The following PAPPA variants were observed in gnomAD, a reference collection of about 807,000 sequenced individuals.
PAPPA encodes pappalysin-1.
Under a neutral mutation model 164.0 loss-of-function variants are expected in PAPPA, and 60 were observed. The observed-to-expected ratio is 0.37, with a 90% CI of 0.30 to 0.45. The LOEUF is 0.45. Among genes scored for constraint, PAPPA ranks in the 20% least tolerant of loss-of-function variants. The pLI, the probability that PAPPA is intolerant of heterozygous loss-of-function variation, is 1.00. For synonymous variants in PAPPA, 875 were observed against 814.1 expected (o/e 1.07, Z -1.27); for missense variants, 1,782 against 2,087.3 (o/e 0.85, Z 2.85).
At chr9:116,186,643 G>A (rs1034760135) in intron 1 of PAPPA, among the ~76,000 whole-genome samples, 2 of 152,064 alleles carry the variant, frequency 1.3e-5, no homozygotes, top group African/African-American at 2.4e-5. Flanking sequence ...GGTAACTATG[G>A]TAGGGACCTC....
At position 116,188,627 on chromosome 9, in the gene PAPPA, A is replaced by G. The variant is rs116678374; in HGVS notation, c.1478+411A>G. Among the ~76,000 whole-genome samples, 533 of 152,296 alleles carry G rather than the reference A, an allele frequency of 3.5e-3. 4 individuals carry two copies. Among genetic ancestry groups the G allele is most frequent in the African/African-American group, 8.9e-3 (371 of 41,552 alleles). ...AAAGTTAAATAAAACTCAAAATTCA[A>G]TTCCTGAGTTTCATTAGCCACATTT... is the stretch of plus-strand genomic sequence containing the variant. On this transcript the variant is annotated intron_variant, in intron 2 of 21. Coordinates refer to ENST00000328252, the MANE Select transcript of PAPPA (RefSeq NM_002581.5).
intron 7 of PAPPA, among the ~76,000 whole-genome samples, chr9:116,246,743 G>A (rs1352736608): frequency 1.3e-5 from 2 of 152,178 alleles, no homozygotes; most frequent in East Asian, 1.9e-4. Context: ...GGCCAAATGC[G>A]GTGGCTCATG....
chr9:116,316,918 A>C (rs1039018178), intron 10 of PAPPA, among the ~76,000 whole-genome samples: 2 of 152,156 alleles, frequency 1.3e-5, no homozygotes, highest in Non-Finnish European at 2.9e-5. Flanking sequence ...CATTGAGGCT[A>C]TAGGAGGGGA....
chr9:116,388,958 A>C (rs1385485481), intron 21 of PAPPA, among the ~76,000 whole-genome samples: 1 of 152,170 alleles, frequency 6.6e-6, no homozygotes. Context: ...TCATTGGTCT[A>C]AGAAGGCTAG....
chr9:116,323,404 G>A (rs1341171241), intron 10 of PAPPA, among the ~76,000 whole-genome samples: 1 of 152,102 alleles, frequency 6.6e-6, no homozygotes, highest in Non-Finnish European at 1.5e-5. Flanking sequence ...CCCTCCACCG[G>A]GCTATGTTTC....
chr9:116,256,835 A>C (rs541087489), intron 7 of PAPPA, among the ~76,000 whole-genome samples: 5 of 152,142 alleles, frequency 3.3e-5, no homozygotes, highest in African/African-American at 7.2e-5. Flanking sequence ...GAACAACACA[A>C]AAAAGTTTGA....
chr9:116,192,356 G>A (rs1463792627), intron 2 of PAPPA, among the ~76,000 whole-genome samples: 1 of 152,172 alleles, frequency 6.6e-6, no homozygotes, highest in Non-Finnish European at 1.5e-5. Flanking sequence ...TGGAGTTTAA[G>A]GGGTTATTAT....
chr9:116,358,783 T>G (rs1437090613), intron 17 of PAPPA, among the ~76,000 whole-genome samples: 1 of 152,236 alleles, frequency 6.6e-6, no homozygotes, highest in Non-Finnish European at 1.5e-5. Context: ...TCAAGAGACA[T>G]GGTTCTGACA....
rs45519832 is a variant in PAPPA, at chr9:116,397,070, T to C, written c.*454T>C. Reference sequence around the variant, plus strand: ...TTTCCCAAGCTCCTAGCCAACACTATCCTTGGGAGAAAGAAATTTGCAGAA... The same window carrying C: ...TTTCCCAAGCTCCTAGCCAACACTACCCTTGGGAGAAAGAAATTTGCAGAA... On this transcript the variant is annotated 3_prime_UTR_variant, in exon 22 of 22. Transcript: ENST00000328252. The C allele has an allele frequency of 1.3e-5, 2 of 156,846 alleles. No individual in the cohort carries two copies. Among genetic ancestry groups the C allele is most frequent in the Admixed American group, 6.4e-5 (1 of 15,678 alleles). 9.7% of individuals were successfully genotyped at this position (156,846 alleles called of 1,614,324 possible).
At position 116,401,582 on chromosome 9, in the gene PAPPA, A is replaced by G. The variant is rs1782000268; in HGVS notation, c.*4966A>G. 1 of 151,224 alleles carries G rather than the reference A, an allele frequency of 6.6e-6. No individual in the cohort carries two copies. Among genetic ancestry groups the G allele is most frequent in the African/African-American group, 2.4e-5 (1 of 41,234 alleles). The allele number at this position is 151,224 out of a possible 1,614,324, so 9.4% of individuals were successfully genotyped here. A position where few individuals can be genotyped will look rare whatever the true frequency, so the allele number is the denominator to read the frequency against. ...TATGCACATGTATATATAGTTGTAC[A>G]TATATGTGTGTATATATATACTTAA... On this transcript the variant is annotated 3_prime_UTR_variant, in exon 22 of 22. Coordinates refer to ENST00000328252, the MANE Select transcript of PAPPA (RefSeq NM_002581.5).
chr9:116,339,443 C>G (rs973149126), intron 13 of PAPPA, among the ~76,000 whole-genome samples: 2 of 152,114 alleles, frequency 1.3e-5, no homozygotes, highest in African/African-American at 4.8e-5. Context: ...TACCACACCA[C>G]AATACACTGG....
intron 4 of PAPPA, among the ~76,000 whole-genome samples, chr9:116,218,554 G>A (rs1258184021): frequency 2.0e-5 from 3 of 152,106 alleles, no homozygotes; most frequent in Admixed American, 1.3e-4. Flanking sequence ...AGAAATGCAA[G>A]CGTTCTCCCT....
chr9:116,343,074 C>G (rs145368185), intron 13 of PAPPA, among the ~76,000 whole-genome samples: 2 of 152,206 alleles, frequency 1.3e-5, no homozygotes, highest in Admixed American at 6.5e-5. Context: ...TTTGGAGTCA[C>G]CCCTCTGGAT....
At chr9:116,179,965 T>C (rs2118609725) in intron 1 of PAPPA, among the ~76,000 whole-genome samples, 1 of 152,166 alleles carries the variant, frequency 6.6e-6, no homozygotes, top group East Asian at 1.9e-4. Context: ...CCCCCTTTCA[T>C]CCCCTCATCC....
chr9:116,278,653 C>CTTTT (rs1845230325), intron 9 of PAPPA, among the ~76,000 whole-genome samples: 3 of 135,982 alleles, frequency 2.2e-5, no homozygotes, highest in African/African-American at 9.1e-5. Context: ...GTAGCCAAAT[C>CTTTT]GTTTTTTTTT....
At chr9:116,252,711 G>C (rs753302697) in intron 7 of PAPPA, among the ~76,000 whole-genome samples, 4 of 152,192 alleles carry the variant, frequency 2.6e-5, no homozygotes, top group Non-Finnish European at 4.4e-5. Context: ...TCCGTCACTT[G>C]ATGATTCAAG....
rs1169337194 is a variant in PAPPA at position 116,396,705 on chromosome 9, G to A, written c.*89G>A. ...TCACAGTCAGCTGCTCAACGGAATG[G>A]CCTCTCCACACCAGGGATCCTTAGC... On this transcript the variant is annotated 3_prime_UTR_variant, in exon 22 of 22. Transcript: ENST00000328252. The A allele has an allele frequency of 5.6e-6, 4 of 715,542 alleles. No individual in the cohort carries two copies. The Admixed American group carries it at 5.8e-5, about 10-fold the overall frequency. 44.3% of individuals were successfully genotyped at this position (715,542 alleles called of 1,614,324 possible).
At chr9:116,292,858 A>G (rs1176615134) in intron 9 of PAPPA, among the ~76,000 whole-genome samples, 1 of 152,198 alleles carries the variant, frequency 6.6e-6, no homozygotes, top group East Asian at 1.9e-4. Context: ...GCAGCATTCC[A>G]TGTAGAGTTA....
At chr9:116,320,606 C>T (rs933876001) in intron 10 of PAPPA, among the ~76,000 whole-genome samples, 1 of 152,106 alleles carries the variant, frequency 6.6e-6, no homozygotes, top group Non-Finnish European at 1.5e-5. Context: ...CTCTTTAAGG[C>T]AGGCATCAAA....
Sources: allele counts gnomAD v4.1 joint callset (sites outside exome capture counted in the v4.1 genomes callset), GRCh38; gene constraint gnomAD v4.1.1; transcripts MANE v1.5; gene names NCBI Gene and HGNC (gene_info 2026-07-23, HGNC 2026-07-21).